IL1RAP: variants seen among roughly 807,000 people sequenced by gnomAD.
IL1RAP encodes the protein interleukin-1 receptor accessory protein.
A neutral mutation model predicts 60.7 loss-of-function variants in IL1RAP; 35 were observed. The observed-to-expected ratio is 0.58, with a 90% CI of 0.44 to 0.76. The LOEUF (loss-of-function observed/expected upper bound fraction) is 0.76, where lower values mean the gene tolerates loss of function less well. IL1RAP is among the 30% of genes least tolerant of loss of function. IL1RAP has a pLI of 0.00. For missense variants in IL1RAP, 572 were observed against 693.9 expected, an observed-to-expected ratio of 0.82 and a Z score of 1.97; for synonymous variants, 268 against 250.9, an observed-to-expected ratio of 1.07 and a Z score of -0.64.
At chr3:190,638,626 T>A (rs776333824) in intron 9 of IL1RAP, among the ~76,000 whole-genome samples, 12 of 152,194 alleles carry the variant, frequency 7.9e-5, no homozygotes, top group Non-Finnish European at 1.5e-4. Flanking sequence ...ATGTAATTTA[T>A]TAACTTCTTC....
At chr3:190,541,861 G>T (rs1197696532) in intron 1 of IL1RAP, among the ~76,000 whole-genome samples, 4 of 152,210 alleles carry the variant, frequency 2.6e-5, no homozygotes, top group Non-Finnish European at 5.9e-5. Context: ...TCAATATCCT[G>T]TCTCTGGATG....
chr3:190,522,328 T>TCCTTCCTTCCTCATTCCTCCCTCCCTC (rs1491096969), intron 1 of IL1RAP, among the ~76,000 whole-genome samples: 5 of 129,250 alleles, frequency 3.9e-5, no homozygotes, highest in Non-Finnish European at 7.6e-5. Flanking sequence ...CTTCCTTCCT[T>TCCTTCCTTCCTCATTCCTCCCTCCCTC]CCTTCCTTCC....
chr3:190,654,240 A>G (rs1734531639), downstream of IL1RAP, among the ~76,000 whole-genome samples: 1 of 139,152 alleles, frequency 7.2e-6, no homozygotes, highest in African/African-American at 2.6e-5. Flanking sequence ...AATTTGCATG[A>G]GTTCTCTTTG....
chr3:190,604,450 T>A (rs772353085), intron 4 of IL1RAP, 37 bp downstream of exon 4: 1 of 1,592,656 alleles, frequency 6.3e-7, no homozygotes, highest in Admixed American at 1.8e-5. Flanking sequence ...CTCTTTTCCC[T>A]TTAGTTTCTG....
At chr3:190,599,483 A>C (rs958554005) in intron 3 of IL1RAP, among the ~76,000 whole-genome samples, 1 of 148,054 alleles carries the variant, frequency 6.8e-6, no homozygotes, top group Non-Finnish European at 1.5e-5. Flanking sequence ...ATATTTCGTA[A>C]AGTGACTTTT....
intron 9 of IL1RAP, among the ~76,000 whole-genome samples, chr3:190,634,710 T>TTTTTTTTG (rs1299975651): frequency 3.6e-4 from 51 of 141,346 alleles, no homozygotes; most frequent in African/African-American, 1.5e-3. Flanking sequence ...CTGTTGTGTT[T>TTTTTTTTG]TTTTTTTTGT....
intron 1 of IL1RAP, among the ~76,000 whole-genome samples, chr3:190,527,896 G>A (rs1216302252): frequency 2.0e-5 from 3 of 149,556 alleles, no homozygotes; most frequent in African/African-American, 5.0e-5. Flanking sequence ...TTCATAATTG[G>A]CACTCACTAT....
At chr3:190,574,687 G>C (rs1432157620) in intron 3 of IL1RAP, among the ~76,000 whole-genome samples, 1 of 152,194 alleles carries the variant, frequency 6.6e-6, no homozygotes, top group African/African-American at 2.4e-5. Context: ...TTTTCTGCTA[G>C]TCTTTGGCAG....
Position 190,627,332 on chromosome 3 carries a change from T to G in IL1RAP, c.785T>G (p.Leu262Arg). 1 of 1,591,592 alleles carries G rather than the reference T, an allele frequency of 6.3e-7. No individual in the cohort carries two copies. The highest frequency in any genetic ancestry group is 8.6e-7 in the Non-Finnish European group (1 of 1,168,512). ...VVYEKEPGEELLIPCTVYFSF... is the reference protein window; with the variant it reads ...VVYEKEPGEERLIPCTVYFSF... ...TGGTTTTTTTTTTCAGGAGAGGAGC[T>G]ACTCATTCCCTGTACGGTCTATTTT... is the stretch of plus-strand genomic sequence containing the variant. The change falls in exon 8 of 12, where the codon CTA becomes CGA. Residue 262 changes from leucine (L) to arginine (R), a missense_variant. Physicochemically the swap from Leu to Arg is moderately radical, Grantham distance 102. Coordinates refer to ENST00000447382, the MANE Select transcript of IL1RAP (RefSeq NM_002182.4).
chr3:190,655,538 GTAGT>G (rs1734585207), downstream of IL1RAP, among the ~76,000 whole-genome samples: 2 of 149,484 alleles, frequency 1.3e-5, no homozygotes, highest in African/African-American at 4.9e-5. Context: ...TATTTTGAGG[GTAGT>G]TACTCAATTG....
chr3:190,645,305 T>G (rs566207521), intron 10 of IL1RAP, among the ~76,000 whole-genome samples: 7 of 152,330 alleles, frequency 4.6e-5, no homozygotes, highest in Non-Finnish European at 5.9e-5. Context: ...TATAAATAAT[T>G]CAGGCAGTTT....
At chr3:190,517,361 T>A (rs1721617150) in intron 1 of IL1RAP, among the ~76,000 whole-genome samples, 1 of 152,234 alleles carries the variant, frequency 6.6e-6, no homozygotes, top group Admixed American at 6.5e-5. Context: ...ACAAATGTTA[T>A]GAGTGTCCAT....
chr3:190,578,396 T>A (rs1229389935), intron 3 of IL1RAP, among the ~76,000 whole-genome samples: 7 of 152,206 alleles, frequency 4.6e-5, no homozygotes, highest in Admixed American at 4.6e-4. Context: ...GTCTGTAAAT[T>A]GGTATGTTAA....
intron 6 of IL1RAP, among the ~76,000 whole-genome samples, chr3:190,621,724 G>A (rs1731796041): frequency 6.7e-6 from 1 of 149,894 alleles, no homozygotes; most frequent in South Asian, 2.1e-4. Flanking sequence ...ATTTCTCATA[G>A]TGAAACTGCG....
intron 3 of IL1RAP, among the ~76,000 whole-genome samples, chr3:190,574,012 G>T (rs1328010119): frequency 1.3e-5 from 2 of 152,132 alleles, no homozygotes; most frequent in Non-Finnish European, 2.9e-5. Flanking sequence ...CACTATAGAA[G>T]TAAGTGGTAA....
At chr3:190,557,935 T>G (rs1725563494) in intron 2 of IL1RAP, among the ~76,000 whole-genome samples, 1 of 152,172 alleles carries the variant, frequency 6.6e-6, no homozygotes, top group African/African-American at 2.4e-5. Context: ...GCCCTTCTTT[T>G]GCAGTCATAC....
At chr3:190,626,359 T>A (rs1732262663) in intron 7 of IL1RAP, among the ~76,000 whole-genome samples, 1 of 152,206 alleles carries the variant, frequency 6.6e-6, no homozygotes, top group South Asian at 2.1e-4. Context: ...AGTATGTTGC[T>A]ACTGCTGCTG....
At chr3:190,633,191 TAAC>T (rs1268840256) in intron 9 of IL1RAP, among the ~76,000 whole-genome samples, 2 of 152,230 alleles carry the variant, frequency 1.3e-5, no homozygotes, top group African/African-American at 4.8e-5. Context: ...ATTGAAATCT[TAAC>T]AATACTGTAT....
At chr3:190,652,288 C>A (rs1285258900), downstream of IL1RAP, among the ~76,000 whole-genome samples, 1 of 151,716 alleles carries the variant, frequency 6.6e-6, no homozygotes, top group East Asian at 1.9e-4. Flanking sequence ...ATGGTGAAAC[C>A]CTGTCTCTAT....
Sources: gnomAD v4.1 joint callset for allele counts (sites outside exome capture counted in the v4.1 genomes callset) on GRCh38, gnomAD v4.1.1 for gene constraint, MANE v1.5 for transcripts, NCBI Gene and HGNC (gene_info 2026-07-23, HGNC 2026-07-21) for gene names.